RNLS: variants seen among roughly 807,000 people sequenced by gnomAD.
RNLS encodes the protein renalase.
In RNLS, 39 loss-of-function variants were observed where a neutral mutation model predicts 39.8. That is an observed-to-expected ratio of 0.98 (90% CI 0.76 to 1.28). The LOEUF (loss-of-function observed/expected upper bound fraction) is 1.28, where lower values mean the gene tolerates loss of function less well. Ranked by LOEUF, RNLS falls within the 50% of genes most tolerant of loss-of-function variation. The pLI is 0.00. For missense variants in RNLS, 410 were observed against 413.3 expected (o/e 0.99, Z 0.07); for synonymous variants, 147 against 150.7 (o/e 0.98, Z 0.18).
At chr10:88,234,353 G>T in the RNLS span, among the ~76,000 whole-genome samples, 1 of 151,932 alleles carries the variant, frequency 6.6e-6, no homozygotes, top group Non-Finnish European at 1.5e-5. Context: ...GGTGAATTTG[G>T]CCATTTGCTG....
chr10:88,268,149 G>A, the RNLS span, among the ~76,000 whole-genome samples: 1 of 152,076 alleles, frequency 6.6e-6, no homozygotes, highest in African/African-American at 2.4e-5. Flanking sequence ...ATAGTTCAGG[G>A]TTGCGTTATT....
chr10:88,534,007 A>G (rs867822183), intron 4 of RNLS, among the ~76,000 whole-genome samples: 3 of 152,114 alleles, frequency 2.0e-5, no homozygotes, highest in Non-Finnish European at 2.9e-5. Flanking sequence ...AATAACTAAC[A>G]AAGAAGGAAG....
At chr10:88,375,107 A>G (rs545273535) in intron 4 of RNLS, among the ~76,000 whole-genome samples, 1 of 152,096 alleles carries the variant, frequency 6.6e-6, no homozygotes, top group African/African-American at 2.4e-5. Context: ...TTGTCACAAG[A>G]TCTCTTCTTA....
chr10:88,571,021 TC>T (rs1236977717), intron 4 of RNLS, among the ~76,000 whole-genome samples: 1 of 151,166 alleles, frequency 6.6e-6, no homozygotes, highest in Non-Finnish European at 1.5e-5. Flanking sequence ...TCTTGCTCTG[TC>T]ACCCAGGCTA....
chr10:88,252,162 C>T, the RNLS span, among the ~76,000 whole-genome samples: 13 of 152,164 alleles, frequency 8.5e-5, no homozygotes, highest in Admixed American at 2.0e-4. Context: ...CACCCCAGGA[C>T]GCTTTTCCAT....
At chr10:88,472,860 C>A (rs900185403) in intron 4 of RNLS, among the ~76,000 whole-genome samples, 4 of 152,156 alleles carry the variant, frequency 2.6e-5, no homozygotes, top group African/African-American at 7.2e-5. Context: ...TCTTATCACC[C>A]ACAAAGTCTG....
intron 5 of RNLS, among the ~76,000 whole-genome samples, chr10:88,320,521 A>G (rs559694593): frequency 6.7e-6 from 1 of 149,086 alleles, no homozygotes; most frequent in South Asian, 2.2e-4. Context: ...AAAAAAAACA[A>G]GACCCAACCA....
At chr10:88,304,203 G>A (rs984033643) in intron 6 of RNLS, among the ~76,000 whole-genome samples, 2 of 152,216 alleles carry the variant, frequency 1.3e-5, no homozygotes, top group Non-Finnish European at 1.5e-5. Context: ...CCAAAGGTCA[G>A]CAACCTCAAA....
chr10:88,379,575 A>AGAT (rs1851292488), intron 4 of RNLS, among the ~76,000 whole-genome samples: 1 of 152,182 alleles, frequency 6.6e-6, no homozygotes, highest in Non-Finnish European at 1.5e-5. Flanking sequence ...CTAATTTGCC[A>AGAT]GATAGATTTT....
At chr10:88,438,391 C>T (rs1841531215) in intron 4 of RNLS, among the ~76,000 whole-genome samples, 1 of 152,102 alleles carries the variant, frequency 6.6e-6, no homozygotes, top group South Asian at 2.1e-4. Flanking sequence ...GAATAAGTTC[C>T]CTTCTTATTT....
At chr10:88,290,819 A>G (rs374213053) in intron 6 of RNLS, among the ~76,000 whole-genome samples, 2 of 152,118 alleles carry the variant, frequency 1.3e-5, no homozygotes, top group South Asian at 4.1e-4. Context: ...ATTTCTTACA[A>G]GGATGTTCCA....
intron 4 of RNLS, among the ~76,000 whole-genome samples, chr10:88,496,948 A>G (rs909191925): frequency 6.6e-6 from 1 of 152,102 alleles, no homozygotes; most frequent in South Asian, 2.1e-4. Context: ...TAGGCACACT[A>G]AAGTTTGAGA....
intron 4 of RNLS, among the ~76,000 whole-genome samples, chr10:88,476,517 G>C (rs1843831116): frequency 1.3e-5 from 2 of 152,100 alleles, no homozygotes; most frequent in Non-Finnish European, 2.9e-5. Context: ...TAAATAAAAA[G>C]CTTTTCCCTC....
At chr10:88,385,773 T>G (rs1299492476) in intron 4 of RNLS, among the ~76,000 whole-genome samples, 1 of 152,166 alleles carries the variant, frequency 6.6e-6, no homozygotes. Flanking sequence ...ACGGTGCCCC[T>G]GCCACGCCCT....
chr10:88,463,450 A>G (rs1353727434), intron 4 of RNLS, among the ~76,000 whole-genome samples: 1 of 152,084 alleles, frequency 6.6e-6, no homozygotes, highest in African/African-American at 2.4e-5. Flanking sequence ...GAAGACTTCT[A>G]GCCTGCAGAG....
the RNLS span, among the ~76,000 whole-genome samples, chr10:88,199,821 G>A: frequency 2.6e-5 from 4 of 152,314 alleles, no homozygotes; most frequent in South Asian, 8.3e-4. Context: ...GGTCACTTAA[G>A]TTGACATATT....
chr10:88,197,342 C>T, the RNLS span, among the ~76,000 whole-genome samples: 12 of 152,246 alleles, frequency 7.9e-5, no homozygotes, highest in East Asian at 2.3e-3. Flanking sequence ...TTTGTAAGGT[C>T]CTTACCTCTT....
chr10:88,392,858 C>A (rs1420821495), intron 4 of RNLS, among the ~76,000 whole-genome samples: 1 of 152,110 alleles, frequency 6.6e-6, no homozygotes, highest in Non-Finnish European at 1.5e-5. Flanking sequence ...GGGCTTCATC[C>A]CTGGGATGCA....
intron 5 of RNLS, among the ~76,000 whole-genome samples, chr10:88,340,539 A>G (rs1847851302): frequency 6.6e-6 from 1 of 152,122 alleles, no homozygotes; most frequent in African/African-American, 2.4e-5. Context: ...AAGGATTTCT[A>G]AAGACCCAAC....
Sources: allele counts gnomAD v4.1 joint callset (sites outside exome capture counted in the v4.1 genomes callset), GRCh38; gene constraint gnomAD v4.1.1; transcripts MANE v1.5; gene names NCBI Gene and HGNC (gene_info 2026-07-23, HGNC 2026-07-21).